The following TTC39C variants were observed in gnomAD, a reference collection of about 807,000 sequenced individuals.
TTC39C encodes the protein tetratricopeptide repeat domain 39C.
TTC39C carries 33 observed loss-of-function variants against 76.3 expected under a neutral mutation model. The ratio of observed to expected loss-of-function variants is 0.43; its 90% CI spans 0.33 to 0.58. TTC39C has a LOEUF of 0.58. TTC39C is among the 20% of genes least tolerant of loss of function. The pLI is 0.04. For synonymous variants in TTC39C, 254 were observed against 260.6 expected (o/e 0.97, Z 0.24); for missense variants, 595 against 701.4 (o/e 0.85, Z 1.71).
In TTC39C at chr18:24,125,483, T is replaced by C. The variant is rs1378227198; in HGVS notation, c.1353T>C (p.Ile451=). Residue 451 remains isoleucine, a synonymous_variant, in exon 10 of 14, where the codon ATT becomes ATC. Transcript: ENST00000317571. ...AAGCGCTCTGTGTGTTGGCGTCTAT[T>C]GAAGTGTTGTACTTGTGGAAAGCTC... ...PTKALCVLAS[I]EVLYLWKALP... is the part of the protein sequence containing the mutation. The C allele has an allele frequency of 6.2e-7, 1 of 1,614,220 alleles. No homozygotes were observed. Among genetic ancestry groups the C allele is most frequent in the Admixed American group, 1.7e-5 (1 of 60,034 alleles).
At chr18:24,003,738 T>A (rs1374641679) in intron 1 of TTC39C, among the ~76,000 whole-genome samples, 2 of 152,028 alleles carry the variant, frequency 1.3e-5, no homozygotes, top group Non-Finnish European at 2.9e-5. Flanking sequence ...GAAAACAAAA[T>A]GAAAAATGAA....
At chr18:23,994,905 A>T (rs536900437) in intron 1 of TTC39C, among the ~76,000 whole-genome samples, 2,646 of 149,100 alleles carry the variant, frequency 0.018, 48 homozygotes, top group African/African-American at 0.045. Context: ...CCTTTTTTTT[A>T]AAAAAAAATA....
At chr18:24,036,789 A>G (rs1388935555) in intron 1 of TTC39C, among the ~76,000 whole-genome samples, 1 of 151,896 alleles carries the variant, frequency 6.6e-6, no homozygotes, top group African/African-American at 2.4e-5. Context: ...GTGCCACTAC[A>G]CCTGGCTAAT....
At chr18:24,050,891 T>C (rs1005651785) in intron 1 of TTC39C, among the ~76,000 whole-genome samples, 9 of 124,228 alleles carry the variant, frequency 7.2e-5, no homozygotes, top group African/African-American at 2.4e-4. Context: ...AAAAAAAAAA[T>C]GCAATTCTGT....
intron 6 of TTC39C, among the ~76,000 whole-genome samples, chr18:24,105,363 C>T (rs2084733451): frequency 6.6e-6 from 1 of 152,172 alleles, no homozygotes; most frequent in Non-Finnish European, 1.5e-5. Context: ...ACTGTTGGTA[C>T]ATATGGATAG....
At chr18:24,097,604 A>G (rs1327298118) in intron 6 of TTC39C, among the ~76,000 whole-genome samples, 2 of 152,224 alleles carry the variant, frequency 1.3e-5, no homozygotes, top group African/African-American at 2.4e-5. Flanking sequence ...CAATTAGGGC[A>G]TGAACAAGAT....
intron 4 of TTC39C, among the ~76,000 whole-genome samples, chr18:24,069,928 A>C (rs1308484044): frequency 6.6e-6 from 1 of 152,238 alleles, no homozygotes; most frequent in African/African-American, 2.4e-5. Flanking sequence ...TTGACAGCAG[A>C]AACTTCCCAT....
chr18:24,125,049 T>C (rs541889350), intron 9 of TTC39C, among the ~76,000 whole-genome samples: 12 of 152,232 alleles, frequency 7.9e-5, no homozygotes, highest in South Asian at 2.1e-4. Context: ...TGTGCCACCA[T>C]ACCCGGCTAA....
chr18:24,049,272 T>C (rs2083921448), intron 1 of TTC39C, among the ~76,000 whole-genome samples: 1 of 152,244 alleles, frequency 6.6e-6, no homozygotes, highest in Non-Finnish European at 1.5e-5. Context: ...TCATTATTTA[T>C]TAACTTCATT....
At chr18:24,124,853 T>C (rs2085027013) in intron 9 of TTC39C, among the ~76,000 whole-genome samples, 1 of 152,194 alleles carries the variant, frequency 6.6e-6, no homozygotes, top group Non-Finnish European at 1.5e-5. Context: ...CATGTAAATC[T>C]AGTTTCATCC....
intron 6 of TTC39C, among the ~76,000 whole-genome samples, chr18:24,108,399 A>G (rs894426362): frequency 2.0e-5 from 3 of 152,228 alleles, no homozygotes; most frequent in Non-Finnish European, 4.4e-5. Flanking sequence ...CAAATCCCCA[A>G]AAGAACTCGG....
chr18:24,014,022 G>A (rs1431396903), upstream of TTC39C, among the ~76,000 whole-genome samples: 1 of 152,268 alleles, frequency 6.6e-6, no homozygotes, highest in African/African-American at 2.4e-5. Flanking sequence ...CTGCGCAAAT[G>A]TTGGTGGCGG....
At chr18:24,109,899 G>A (rs60168413) in intron 6 of TTC39C, among the ~76,000 whole-genome samples, 6,843 of 151,994 alleles carry the variant, frequency 0.045, 454 homozygotes, top group African/African-American at 0.15. Context: ...CCAGCTAATC[G>A]GGAGGCTGAG....
chr18:24,028,791 C>T (rs867433663), intron 1 of TTC39C, among the ~76,000 whole-genome samples: 6 of 151,662 alleles, frequency 4.0e-5, no homozygotes, highest in Non-Finnish European at 8.8e-5. Flanking sequence ...GGTGTGATCT[C>T]GGCTCACTGC....
At chr18:24,012,358 T>C (rs2083400043), upstream of TTC39C, among the ~76,000 whole-genome samples, 1 of 152,144 alleles carries the variant, frequency 6.6e-6, no homozygotes, top group Non-Finnish European at 1.5e-5. Context: ...GCGGTTGCAG[T>C]GGTCCTTGCC....
chr18:24,129,590 A>G (rs1029204552), intron 11 of TTC39C, among the ~76,000 whole-genome samples: 1 of 152,022 alleles, frequency 6.6e-6, no homozygotes, highest in African/African-American at 2.4e-5. Context: ...CCGGGCCAAC[A>G]TGGTGGAACC....
At chr18:24,018,054 A>G (rs762703311) in intron 1 of TTC39C, among the ~76,000 whole-genome samples, 9 of 152,202 alleles carry the variant, frequency 5.9e-5, no homozygotes, top group Non-Finnish European at 1.0e-4. Context: ...GATATTATGC[A>G]TATAGGAATT....
intron 1 of TTC39C, among the ~76,000 whole-genome samples, chr18:23,997,716 A>AAGAAAGAAAG (rs1555762792): frequency 3.3e-5 from 5 of 151,182 alleles, no homozygotes; most frequent in South Asian, 4.2e-4. Flanking sequence ...GAAAGAAAGA[A>AAGAAAGAAAG]AGAAAGAAAC....
At chr18:24,042,848 C>T (rs900849661) in intron 1 of TTC39C, among the ~76,000 whole-genome samples, 8 of 152,022 alleles carry the variant, frequency 5.3e-5, no homozygotes, top group African/African-American at 1.9e-4. Context: ...CATTTAGGGT[C>T]CCGGGGTTTT....
Sources: allele counts gnomAD v4.1 joint callset (sites outside exome capture counted in the v4.1 genomes callset), GRCh38; gene constraint gnomAD v4.1.1; transcripts MANE v1.5; gene names NCBI Gene and HGNC (gene_info 2026-07-23, HGNC 2026-07-21).